Variants in WWOX observed in about 807,000 individuals in gnomAD.
WWOX encodes WW domain containing oxidoreductase.
Under a neutral mutation model 46.2 loss-of-function variants are expected in WWOX, and 69 were observed. The observed-to-expected ratio is 1.49, with a 90% confidence interval of 1.23 to 1.82. The LOEUF is 1.82. Among genes scored for constraint, WWOX ranks in the 40% most tolerant of loss-of-function variants. The pLI is 0.00. For synonymous variants in WWOX, 359 were observed against 202.6 expected (o/e 1.77, Z -6.56); for missense variants, 919 against 542.6 (o/e 1.69, Z -6.89).
chr16:78,889,438 C>T (rs55851063), intron 8 of WWOX, among the ~76,000 whole-genome samples: 1 of 148,686 alleles, frequency 6.7e-6, no homozygotes, highest in South Asian at 2.1e-4. Flanking sequence ...AAACGCGAGC[C>T]GACTTGATGT....
At chr16:78,642,151 C>G (rs532329503) in intron 8 of WWOX, among the ~76,000 whole-genome samples, 1 of 152,264 alleles carries the variant, frequency 6.6e-6, no homozygotes, top group African/African-American at 2.4e-5. Flanking sequence ...ATATATGGCA[C>G]TTTTATATAT....
At chr16:78,512,181 G>T (rs2085378424) in intron 8 of WWOX, among the ~76,000 whole-genome samples, 1 of 152,098 alleles carries the variant, frequency 6.6e-6, no homozygotes, top group South Asian at 2.1e-4. Context: ...TCCTCAGAAT[G>T]GTGTATTACA....
At chr16:78,728,024 A>C in intron 8 of WWOX, among the ~76,000 whole-genome samples, 1 of 141,184 alleles carries the variant, frequency 7.1e-6, no homozygotes, top group African/African-American at 2.7e-5. Flanking sequence ...AACATAGATA[A>C]CTCCCTTCCT....
intron 7 of WWOX, among the ~76,000 whole-genome samples, chr16:78,425,434 C>T (rs1441056138): frequency 1.3e-5 from 2 of 152,026 alleles, no homozygotes; most frequent in African/African-American, 4.8e-5. Flanking sequence ...CAATTAGAGC[C>T]TGCGAGATGA....
intron 5 of WWOX, chr16:78,355,704 C>G (rs574028301): frequency 1.1e-4 from 85 of 740,746 alleles, no homozygotes; most frequent in Admixed American, 5.1e-4. Context: ...GTGGAAGAAA[C>G]TGTGACTACT....
intron 5 of WWOX, among the ~76,000 whole-genome samples, chr16:78,317,204 G>C (rs1374488589): frequency 6.6e-6 from 1 of 152,186 alleles, no homozygotes; most frequent in African/African-American, 2.4e-5. Flanking sequence ...GTGAATAGGA[G>C]TTAGGCCAGT....
chr16:78,472,504 T>C (rs1218551298), intron 8 of WWOX, among the ~76,000 whole-genome samples: 1 of 152,128 alleles, frequency 6.6e-6, no homozygotes, highest in Non-Finnish European at 1.5e-5. Flanking sequence ...CCCTGAAGTT[T>C]TGCTATGTTG....
At chr16:78,122,182 G>A (rs1597229879) in intron 4 of WWOX, among the ~76,000 whole-genome samples, 1 of 152,142 alleles carries the variant, frequency 6.6e-6, no homozygotes, top group African/African-American at 2.4e-5. Flanking sequence ...AGAATACATA[G>A]GGTTTGGTAC....
At chr16:78,731,987 C>T (rs768042676) in intron 8 of WWOX, among the ~76,000 whole-genome samples, 19 of 151,800 alleles carry the variant, frequency 1.3e-4, no homozygotes, top group Non-Finnish European at 2.5e-4. Flanking sequence ...GTTGGGACAA[C>T]AGGTATGCAC....
chr16:78,973,235 T>C (rs1302271141), intron 8 of WWOX, among the ~76,000 whole-genome samples: 1 of 152,184 alleles, frequency 6.6e-6, no homozygotes, highest in East Asian at 1.9e-4. Flanking sequence ...GAGCTTGTGT[T>C]GATGGAATCT....
chr16:78,966,544 A>C (rs2046365783), intron 8 of WWOX, among the ~76,000 whole-genome samples: 1 of 152,144 alleles, frequency 6.6e-6, no homozygotes, highest in African/African-American at 2.4e-5. Context: ...TAATAGTGAA[A>C]ATTTAGATTG....
At chr16:78,758,803 G>T (rs2049720251) in intron 8 of WWOX, among the ~76,000 whole-genome samples, 1 of 152,006 alleles carries the variant, frequency 6.6e-6, no homozygotes, top group African/African-American at 2.4e-5. Flanking sequence ...ATTAGCATTT[G>T]CTATAAGGAG....
intron 5 of WWOX, among the ~76,000 whole-genome samples, chr16:78,335,727 A>G (rs1301659762): frequency 6.6e-6 from 1 of 152,208 alleles, no homozygotes; most frequent in Non-Finnish European, 1.5e-5. Flanking sequence ...CTTCCATGTG[A>G]TTCTGAGACA....
intron 5 of WWOX, among the ~76,000 whole-genome samples, chr16:78,180,011 G>A (rs1267707556): frequency 2.6e-5 from 4 of 152,236 alleles, no homozygotes; most frequent in African/African-American, 4.8e-5. Flanking sequence ...CAGACCAGCA[G>A]AAGTTGCAAA....
At chr16:78,476,364 C>A (rs2084348574) in intron 8 of WWOX, among the ~76,000 whole-genome samples, 2 of 151,712 alleles carry the variant, frequency 1.3e-5, no homozygotes, top group Middle Eastern at 3.4e-3. Flanking sequence ...GGACAAAAAA[C>A]CAAACACCGC....
At chr16:78,957,182 A>C (rs1445291776) in intron 8 of WWOX, among the ~76,000 whole-genome samples, 3 of 152,304 alleles carry the variant, frequency 2.0e-5, no homozygotes, top group African/African-American at 2.4e-5. Flanking sequence ...TAAAGAAGCA[A>C]TATTTACTGA....
At chr16:78,505,881 G>T (rs561475224) in intron 8 of WWOX, among the ~76,000 whole-genome samples, 1 of 152,170 alleles carries the variant, frequency 6.6e-6, no homozygotes, top group Non-Finnish European at 1.5e-5. Context: ...GGAAGATTCG[G>T]CCTTTCTCTC....
intron 8 of WWOX, among the ~76,000 whole-genome samples, chr16:78,924,625 G>A (rs1175093309): frequency 1.3e-5 from 2 of 152,202 alleles, no homozygotes; most frequent in African/African-American, 2.4e-5. Context: ...CCTTTTGACT[G>A]TTTAGAAAGT....
Position 78,432,646 on chromosome 16 carries a change from C to T in WWOX, c.950C>T (p.Thr317Met), listed in dbSNP as rs772959465. The T allele has an allele frequency of 7.4e-6, 12 of 1,614,218 alleles. No homozygotes were observed. The highest frequency in any genetic ancestry group is 3.3e-5 in the South Asian group (3 of 91,082). The change falls in exon 8 of 9, where the codon ACG (threonine) becomes ATG (methionine). Residue 317 changes from threonine (T) to methionine (M), a missense_variant. Thr to Met is a moderately conservative substitution (Grantham distance 81, BLOSUM62 -1). Coordinates refer to ENST00000566780, the MANE Select transcript of WWOX (RefSeq NM_016373.4). ...LHRRLSPRGVTSNAVHPGNMM... is the reference protein window; with the variant it reads ...LHRRLSPRGVMSNAVHPGNMM... ...CGTCGCCTCTCCCCACGCGGGGTCACGTCGAACGCAGTGCATCCTGGAAAT... is the reference window on the plus strand; with the variant it reads ...CGTCGCCTCTCCCCACGCGGGGTCATGTCGAACGCAGTGCATCCTGGAAAT...
Sources: gnomAD v4.1 joint callset for allele counts (sites outside exome capture counted in the v4.1 genomes callset) on GRCh38, gnomAD v4.1.1 for gene constraint, MANE v1.5 for transcripts, NCBI Gene and HGNC (gene_info 2026-07-23, HGNC 2026-07-21) for gene names.